TAF4B: variants seen among roughly 807,000 people sequenced by gnomAD.
TAF4B encodes transcription initiation factor TFIID subunit 4B.
In TAF4B, 38 loss-of-function variants were observed where a neutral mutation model predicts 86.4. The observed-to-expected ratio is 0.44, with a 90% CI of 0.34 to 0.58. The LOEUF is 0.58. Among genes scored for constraint, TAF4B ranks in the 20% least tolerant of loss-of-function variants. The pLI is 0.02. For missense variants in TAF4B, 988 were observed against 1,027.6 expected, an observed-to-expected ratio of 0.96 and a Z score of 0.53; for synonymous variants, 388 against 391.2, an observed-to-expected ratio of 0.99 and a Z score of 0.10.
intron 1 of TAF4B, among the ~76,000 whole-genome samples, chr18:26,237,334 G>A (rs1366528256): frequency 6.6e-6 from 1 of 152,196 alleles, no homozygotes; most frequent in Non-Finnish European, 1.5e-5. Context: ...CCTAGACCCT[G>A]TAGGACATCT....
intron 7 of TAF4B, among the ~76,000 whole-genome samples, chr18:26,288,635 CA>C (rs1236809691): frequency 1.3e-5 from 2 of 151,624 alleles, no homozygotes; most frequent in African/African-American, 4.8e-5. Flanking sequence ...CTCGTCATCT[CA>C]AAAAAACAAA....
At chr18:26,342,875 G>GT (rs1193701575) in intron 13 of TAF4B, among the ~76,000 whole-genome samples, 1 of 152,200 alleles carries the variant, frequency 6.6e-6, no homozygotes, top group Non-Finnish European at 1.5e-5. Context: ...GCTGGTGTTG[G>GT]TGAGCAAGCA....
At chr18:26,256,477 T>G in intron 1 of TAF4B, 1 of 625,142 alleles carries the variant, frequency 1.6e-6, no homozygotes, top group Non-Finnish European at 2.8e-6. Context: ...GTTTTGTTGA[T>G]TTTTCTCAGT....
At chr18:26,274,094 A>AT (rs897481723) in intron 3 of TAF4B, among the ~76,000 whole-genome samples, 2 of 152,136 alleles carry the variant, frequency 1.3e-5, no homozygotes, top group African/African-American at 4.8e-5. Context: ...GTCACACCTC[A>AT]TTTTGATAGA....
At chr18:26,383,299 G>A (rs1978301571) in intron 14 of TAF4B, among the ~76,000 whole-genome samples, 2 of 152,280 alleles carry the variant, frequency 1.3e-5, no homozygotes, top group South Asian at 4.2e-4. Flanking sequence ...TGGAAATAGG[G>A]AGGTTTTTTA....
chr18:26,288,111 G>T (rs1402925000), intron 7 of TAF4B, among the ~76,000 whole-genome samples: 1 of 152,136 alleles, frequency 6.6e-6, no homozygotes, highest in Non-Finnish European at 1.5e-5. Flanking sequence ...GCCTCTTTTT[G>T]GTAGCACTGA....
intron 13 of TAF4B, among the ~76,000 whole-genome samples, chr18:26,353,462 G>A (rs11873231): frequency 0.069 from 10,441 of 152,246 alleles, 1,124 homozygotes; most frequent in African/African-American, 0.23. Context: ...TGGGCATGAT[G>A]GCTCATGCCT....
rs140307700 is a variant in TAF4B at position 26,327,726 on chromosome 18, C to A, written c.2259+586C>A. On this transcript the variant is annotated intron_variant, in intron 12 of 14. Coordinates refer to ENST00000269142, the MANE Select transcript of TAF4B (RefSeq NM_005640.3). ...CTGGGACTACAGGTGCCTGCCACCA[C>A]GCCTGGCTAATTTTTTTTGTTGTTG... 5.0e-3 allele frequency among the ~76,000 whole-genome samples: 764 copies of A among 152,206 alleles called. 8 individuals are homozygous for A. The highest frequency in any genetic ancestry group is 0.017 in the African/African-American group (700 of 41,528).
chr18:26,279,870 C>G (rs2056426557), intron 5 of TAF4B, among the ~76,000 whole-genome samples: 1 of 152,028 alleles, frequency 6.6e-6, no homozygotes, highest in Non-Finnish European at 1.5e-5. Flanking sequence ...GGCGAAACCC[C>G]ATCTCTACTA....
intron 12 of TAF4B, among the ~76,000 whole-genome samples, chr18:26,334,844 T>C (rs1361215771): frequency 6.6e-6 from 1 of 152,204 alleles, no homozygotes; most frequent in African/African-American, 2.4e-5. Flanking sequence ...CAACAATTAC[T>C]CTTTTTTTCT....
chr18:26,346,318 CT>C (rs1193060808), intron 13 of TAF4B, among the ~76,000 whole-genome samples: 3 of 151,518 alleles, frequency 2.0e-5, no homozygotes, highest in Middle Eastern at 3.2e-3. Context: ...CAGACCCCCC[CT>C]CCCCCCAAAA....
At chr18:26,351,596 A>G (rs894033763) in intron 13 of TAF4B, among the ~76,000 whole-genome samples, 1 of 152,216 alleles carries the variant, frequency 6.6e-6, no homozygotes, top group Non-Finnish European at 1.5e-5. Context: ...TTGCAACATC[A>G]CTAAGTACCC....
In TAF4B at chr18:26,232,160, G is replaced by A. The variant is rs181281591; in HGVS notation, c.343+4884G>A. 3.9e-5 allele frequency among the ~76,000 whole-genome samples: 6 copies of A among 152,282 alleles called. No individual in the cohort carries two copies. The East Asian group carries it at 1.2e-3, about 29-fold the overall frequency. The stretch of plus-strand genomic sequence containing the variant: ...CATTTTACAATCCTCTCGTAAGACA[G>A]AAAAGTTCTCCAAGTCTGCAGTCAA... On this transcript the variant is annotated intron_variant, in intron 1 of 14. Coordinates refer to ENST00000269142, the MANE Select transcript of TAF4B (RefSeq NM_005640.3).
intron 14 of TAF4B, among the ~76,000 whole-genome samples, chr18:26,380,582 T>G (rs1253729018): frequency 6.6e-6 from 1 of 152,214 alleles, no homozygotes; most frequent in African/African-American, 2.4e-5. Flanking sequence ...TCCTTGCGAA[T>G]TGATCTTCCT....
rs1026055223 is a variant in TAF4B, at chr18:26,236,570, G to A, written c.343+9294G>A. 5.3e-5 allele frequency among the ~76,000 whole-genome samples: 8 copies of A among 152,240 alleles called. No homozygotes were observed. In the South Asian group the frequency reaches 8.3e-4, roughly 16 times the overall value. On this transcript the variant is annotated intron_variant, in intron 1 of 14. Transcript: ENST00000269142. Reference sequence around the variant, plus strand: ...GGATTGCCCTGGCATAGTGGACATGGGTGAGGGGGCGCTTGTTTCTCACTG... The same window carrying A: ...GGATTGCCCTGGCATAGTGGACATGAGTGAGGGGGCGCTTGTTTCTCACTG...
At chr18:26,380,797 ATT>A (rs1380117880) in intron 14 of TAF4B, among the ~76,000 whole-genome samples, 1 of 143,776 alleles carries the variant, frequency 7.0e-6, no homozygotes, top group African/African-American at 2.5e-5. Context: ...TTGAGTTTTG[ATT>A]TTTTTTTTTT....
At chr18:26,376,376 G>A (rs995348219) in intron 14 of TAF4B, among the ~76,000 whole-genome samples, 1 of 151,978 alleles carries the variant, frequency 6.6e-6, no homozygotes, top group Admixed American at 6.6e-5. Context: ...AGTTTTCAGT[G>A]AACAAGTCTT....
In TAF4B at chr18:26,296,799, C is replaced by T. The variant is rs188030245; in HGVS notation, c.1832+3268C>T. 1.8e-3 allele frequency among the ~76,000 whole-genome samples: 277 copies of T among 152,184 alleles called. 1 individual carries two copies. The highest frequency in any genetic ancestry group is 6.5e-3 in the African/African-American group (270 of 41,514). ...CATTGTAGATTGGGTTTGGATTTGT[C>T]CTTTCTAGAGTTTTGCATGAGTGGC... On this transcript the variant is annotated intron_variant, in intron 9 of 14. Coordinates refer to ENST00000269142, the MANE Select transcript of TAF4B (RefSeq NM_005640.3).
rs1361048374 is a variant in TAF4B, at chr18:26,321,107, T to G, written c.2040T>G (p.Ala680=). 1 of 1,613,822 alleles carries G rather than the reference T, an allele frequency of 6.2e-7. No homozygotes were observed. The highest frequency in any genetic ancestry group is 1.3e-5 in the African/African-American group (1 of 74,938). The change falls in exon 11 of 15, where the codon GCT becomes GCG. Residue 680 remains alanine, a synonymous_variant. Coordinates refer to ENST00000269142, the MANE Select transcript of TAF4B (RefSeq NM_005640.3). ...KHDITELNSD[A]VNLISQATQE... is the part of the protein sequence containing the mutation. ...ACATTACAGAACTTAACTCTGATGC[T>G]GTGAACTTGATCTCCCAAGCAACAC...
Sources: allele counts gnomAD v4.1 joint callset (sites outside exome capture counted in the v4.1 genomes callset), GRCh38; gene constraint gnomAD v4.1.1; transcripts MANE v1.5; gene names NCBI Gene and HGNC (gene_info 2026-07-23, HGNC 2026-07-21).